The following SDK1 variants were observed in gnomAD, a reference collection of about 807,000 sequenced individuals.
SDK1 encodes sidekick cell adhesion molecule 1.
SDK1 carries 157 observed loss-of-function variants against 245.5 expected under a neutral mutation model. The observed-to-expected ratio is 0.64, with a 90% confidence interval of 0.56 to 0.73. The LOEUF (loss-of-function observed/expected upper bound fraction) is 0.73, where lower values mean the gene tolerates loss of function less well. Among genes scored for constraint, SDK1 ranks in the 30% least tolerant of loss-of-function variants. SDK1 has a pLI of 0.00. For missense variants in SDK1, 3,583 were observed against 3,002.3 expected, an observed-to-expected ratio of 1.19 and a Z score of -4.52; for synonymous variants, 1,647 against 1,278.5, an observed-to-expected ratio of 1.29 and a Z score of -6.15.
At chr7:3,388,612 G>C (rs1333429919) in intron 1 of SDK1, among the ~76,000 whole-genome samples, 1 of 136,720 alleles carries the variant, frequency 7.3e-6, no homozygotes, top group African/African-American at 3.5e-5. Context: ...ATAAGTAGTA[G>C]TTGTGTGTAC....
intron 1 of SDK1, among the ~76,000 whole-genome samples, chr7:3,362,023 A>G (rs1310850362): frequency 6.6e-6 from 1 of 152,216 alleles, no homozygotes; most frequent in Non-Finnish European, 1.5e-5. Flanking sequence ...TAAAGGATTT[A>G]AAGTTTATTA....
chr7:3,446,484 T>G (rs1290948477), intron 1 of SDK1, among the ~76,000 whole-genome samples: 2 of 152,148 alleles, frequency 1.3e-5, no homozygotes, highest in African/African-American at 2.4e-5. Flanking sequence ...TGCCAGTCCT[T>G]TCTTTGACTT....
chr7:4,097,155 G>C (rs1170361648), intron 22 of SDK1, among the ~76,000 whole-genome samples: 2 of 150,320 alleles, frequency 1.3e-5, no homozygotes, highest in African/African-American at 5.0e-5. Context: ...CTCTGCAGAG[G>C]CATTGGCCTG....
At chr7:3,858,927 A>C (rs1021567922) in intron 5 of SDK1, among the ~76,000 whole-genome samples, 3 of 142,564 alleles carry the variant, frequency 2.1e-5, no homozygotes, top group African/African-American at 8.3e-5. Context: ...CAGTGGCGTG[A>C]TCTCGGCTCG....
chr7:3,724,602 GA>G (rs1209847067), intron 4 of SDK1, among the ~76,000 whole-genome samples: 1 of 152,134 alleles, frequency 6.6e-6, no homozygotes, highest in Admixed American at 6.5e-5. Context: ...AAAAATGTTT[GA>G]AAGCGCATAT....
At chr7:4,101,012 G>A (rs796746421) in intron 22 of SDK1, among the ~76,000 whole-genome samples, 29 of 152,330 alleles carry the variant, frequency 1.9e-4, no homozygotes, top group African/African-American at 6.7e-4. Context: ...ATGCGGAGGT[G>A]CACACAGGGG....
intron 4 of SDK1, among the ~76,000 whole-genome samples, chr7:3,789,976 C>G (rs1000183935): frequency 2.6e-5 from 4 of 152,072 alleles, no homozygotes; most frequent in Admixed American, 2.6e-4. Context: ...ACAGCATGGT[C>G]GCCAGCTAAC....
chr7:4,232,411 C>CTTTTTTTTTTTT (rs71032930), intron 40 of SDK1, among the ~76,000 whole-genome samples: 6 of 98,776 alleles, frequency 6.1e-5, no homozygotes, highest in African/African-American at 1.2e-4. Context: ...TCTTTTCTTT[C>CTTTTTTTTTTTT]TTTTTTTTTT....
intron 4 of SDK1, among the ~76,000 whole-genome samples, chr7:3,679,213 CT>C (rs920386978): frequency 5.3e-5 from 8 of 152,196 alleles, no homozygotes; most frequent in African/African-American, 1.9e-4. Flanking sequence ...TTTCAAAGGA[CT>C]TTTATCTGAA....
chr7:3,393,730 A>G (rs1443301510), intron 1 of SDK1, among the ~76,000 whole-genome samples: 1 of 152,012 alleles, frequency 6.6e-6, no homozygotes, highest in African/African-American at 2.4e-5. Context: ...AATTTATCTG[A>G]TAGTATTCTG....
intron 1 of SDK1, among the ~76,000 whole-genome samples, chr7:3,336,740 C>G (rs1464692673): frequency 6.6e-6 from 1 of 152,176 alleles, no homozygotes; most frequent in Non-Finnish European, 1.5e-5. Flanking sequence ...GGTAGCTGAT[C>G]TTACACAGAG....
At chr7:4,235,118 G>A (rs951185970) in intron 41 of SDK1, among the ~76,000 whole-genome samples, 20 of 152,142 alleles carry the variant, frequency 1.3e-4, no homozygotes, top group African/African-American at 3.6e-4. Flanking sequence ...CTTGAATTCC[G>A]GGGTTGCTCT....
chr7:3,403,091 C>T (rs1778934874), intron 1 of SDK1, among the ~76,000 whole-genome samples: 1 of 152,104 alleles, frequency 6.6e-6, no homozygotes, highest in African/African-American at 2.4e-5. Flanking sequence ...CATGCCACCA[C>T]ACCCAGCTAA....
chr7:3,732,228 T>G (rs1779201879), intron 4 of SDK1, among the ~76,000 whole-genome samples: 1 of 152,170 alleles, frequency 6.6e-6, no homozygotes, highest in African/African-American at 2.4e-5. Context: ...ATTTTTTGTT[T>G]TGTCAGTAGA....
intron 1 of SDK1, among the ~76,000 whole-genome samples, chr7:3,549,446 T>C (rs888851061): frequency 6.6e-6 from 1 of 152,074 alleles, no homozygotes; most frequent in Non-Finnish European, 1.5e-5. Flanking sequence ...AATTTTAATA[T>C]GCTAAATATC....
chr7:3,388,765 A>G (rs1781672548), intron 1 of SDK1, among the ~76,000 whole-genome samples: 1 of 151,840 alleles, frequency 6.6e-6, no homozygotes, highest in African/African-American at 2.4e-5. Flanking sequence ...ATGGGATGCA[A>G]TTTTAAATGA....
chr7:3,902,064 C>T (rs1201819333), intron 5 of SDK1, among the ~76,000 whole-genome samples: 1 of 152,192 alleles, frequency 6.6e-6, no homozygotes, highest in East Asian at 1.9e-4. Flanking sequence ...CTGGAATCAG[C>T]CATTGCTCCA....
At chr7:3,710,683 T>C (rs758070483) in intron 4 of SDK1, among the ~76,000 whole-genome samples, 2 of 152,232 alleles carry the variant, frequency 1.3e-5, no homozygotes, top group Non-Finnish European at 2.9e-5. Flanking sequence ...TTAACCACAG[T>C]TGTGTTATCA....
At chr7:3,869,086 A>AT (rs758397644) in intron 5 of SDK1, among the ~76,000 whole-genome samples, 2 of 146,736 alleles carry the variant, frequency 1.4e-5, no homozygotes, top group African/African-American at 5.1e-5. Flanking sequence ...TCAATTGAAG[A>AT]TTTTTTTTTC....
Sources: allele counts gnomAD v4.1 joint callset (sites outside exome capture counted in the v4.1 genomes callset), GRCh38; gene constraint gnomAD v4.1.1; transcripts MANE v1.5; gene names NCBI Gene and HGNC (gene_info 2026-07-23, HGNC 2026-07-21).